The following PCDH11X variants were observed in gnomAD, a reference collection of about 807,000 sequenced individuals.
The protein encoded by PCDH11X is protocadherin 11 X-linked.
A neutral mutation model predicts 53.3 loss-of-function variants in PCDH11X; 18 were observed. That is an observed-to-expected ratio of 0.34 (90% CI 0.23 to 0.50). The LOEUF (loss-of-function observed/expected upper bound fraction) is 0.50. Ranked by LOEUF, PCDH11X falls within the 20% of genes least tolerant of loss-of-function variation. PCDH11X has a pLI of 0.98. For synonymous variants in PCDH11X, 279 were observed against 393.3 expected, an observed-to-expected ratio of 0.71 and a Z score of 3.44; for missense variants, 570 against 1,032.4, an observed-to-expected ratio of 0.55 and a Z score of 6.14.
At chrX:92,233,619 T>G (rs772971569) in intron 7 of PCDH11X, among the ~76,000 whole-genome samples, 1 of 111,980 alleles carries the variant, frequency 8.9e-6, no homozygotes, top group East Asian at 2.8e-4. Context: ...GTGTGTGTAC[T>G]TTAGTTCACA....
chrX:92,340,362 G>A (rs1453663980), intron 8 of PCDH11X, among the ~76,000 whole-genome samples: 1 of 111,735 alleles, frequency 8.9e-6, no homozygotes, highest in Non-Finnish European at 1.9e-5. Context: ...GGGACTCTGT[G>A]GGGGCTCCAA....
intron 8 of PCDH11X, among the ~76,000 whole-genome samples, chrX:92,352,193 A>C (rs756932141): frequency 2.7e-4 from 30 of 111,827 alleles, no homozygotes; most frequent in South Asian, 1.5e-3. Flanking sequence ...TGCCTTGAGT[A>C]AATGTATTCC....
At chrX:91,843,217 A>G (rs1381133791) in intron 5 of PCDH11X, among the ~76,000 whole-genome samples, 54 of 108,596 alleles carry the variant, frequency 5.0e-4, no homozygotes, top group African/African-American at 1.7e-3. Context: ...TGCTCTAATG[A>G]TAGTAAAGAG....
intron 10 of PCDH11X, among the ~76,000 whole-genome samples, chrX:92,519,901 A>T (rs1319412694): frequency 6.3e-5 from 7 of 110,505 alleles, no homozygotes; most frequent in Non-Finnish European, 1.3e-4. Context: ...GGAGATTTGA[A>T]TTTTTAATAT....
intron 6 of PCDH11X, among the ~76,000 whole-genome samples, chrX:92,107,620 C>T (rs1443184199): frequency 8.9e-6 from 1 of 112,352 alleles, no homozygotes; most frequent in African/African-American, 3.2e-5. Flanking sequence ...GCCTGTAATC[C>T]CTGCTACTCG....
intron 9 of PCDH11X, among the ~76,000 whole-genome samples, chrX:92,415,622 G>C (rs184305457): frequency 5.8e-4 from 65 of 111,823 alleles, no homozygotes; most frequent in African/African-American, 1.9e-3. Context: ...TAGGCAACTA[G>C]AAAATATTTC....
At chrX:92,587,924 C>A (rs1189079032) in intron 10 of PCDH11X, among the ~76,000 whole-genome samples, 1 of 110,952 alleles carries the variant, frequency 9.0e-6, no homozygotes, top group East Asian at 2.8e-4. Flanking sequence ...GACTGCATCA[C>A]AATTTTCCTA....
chrX:91,829,726 A>T (rs893175077), intron 4 of PCDH11X, among the ~76,000 whole-genome samples: 30 of 111,537 alleles, frequency 2.7e-4, no homozygotes, highest in Non-Finnish European at 4.5e-4. Context: ...ATGTGAAATT[A>T]ATGCCTATTT....
intron 8 of PCDH11X, among the ~76,000 whole-genome samples, chrX:92,291,081 T>G: frequency 1.0e-5 from 1 of 98,283 alleles, no homozygotes; most frequent in Admixed American, 1.2e-4. Flanking sequence ...TTTGTTGTTG[T>G]TGGTTTTTTG....
chrX:92,063,603 A>T (rs2063558446), intron 6 of PCDH11X, among the ~76,000 whole-genome samples: 2 of 111,961 alleles, frequency 1.8e-5, no homozygotes, highest in African/African-American at 6.5e-5. Flanking sequence ...GAACTAGAGC[A>T]GTTATTTGGA....
At chrX:91,851,099 A>G (rs1163572907) in intron 5 of PCDH11X, among the ~76,000 whole-genome samples, 2 of 110,051 alleles carry the variant, frequency 1.8e-5, no homozygotes, top group Non-Finnish European at 3.8e-5. Flanking sequence ...AGATTGAATT[A>G]CATATTATTG....
chrX:92,506,216 C>CTTTTTTCTTTT (rs2074055575), intron 10 of PCDH11X, among the ~76,000 whole-genome samples: 2 of 40,205 alleles, frequency 5.0e-5, no homozygotes, highest in Non-Finnish European at 4.1e-5. Context: ...CTTTTCTTTT[C>CTTTTTTCTTTT]TTTTTTTTTT....
At position 92,300,423 on chromosome X, in the gene PCDH11X, T is replaced by A. The variant is rs765681341; in HGVS notation, c.3144+37280T>A. 6.3e-5 allele frequency among the ~76,000 whole-genome samples: 7 copies of A among 111,525 alleles called. No individual in the cohort carries two copies. The South Asian group carries it at 2.6e-3, about 42-fold the overall frequency. On this transcript the variant is annotated intron_variant, in intron 8 of 10. Transcript: ENST00000682573. ...TATGTGTGGGCTGATTTTTCTTCAA[T>A]CCTTTCCTTCAAGAAGTTGCTATTC...
intron 7 of PCDH11X, among the ~76,000 whole-genome samples, chrX:92,233,908 A>T (rs754275777): frequency 8.9e-6 from 1 of 112,164 alleles, no homozygotes; most frequent in South Asian, 3.7e-4. Flanking sequence ...ATGAAAGGAA[A>T]CTTCAAGTTT....
intron 1 of PCDH11X, among the ~76,000 whole-genome samples, chrX:91,806,235 G>C (rs1936102020): frequency 8.8e-6 from 1 of 114,027 alleles, no homozygotes; most frequent in Admixed American, 9.3e-5. Context: ...AAAAATGAAA[G>C]TGAAGGAATG....
chrX:92,275,379 C>A (rs1378525729), intron 8 of PCDH11X, among the ~76,000 whole-genome samples: 1 of 107,982 alleles, frequency 9.3e-6, no homozygotes, highest in Non-Finnish European at 1.9e-5. Context: ...AGATAGGTAA[C>A]AGGTGAGGAT....
At chrX:92,288,776 A>G (rs1457333149) in intron 8 of PCDH11X, among the ~76,000 whole-genome samples, 1 of 109,864 alleles carries the variant, frequency 9.1e-6, no homozygotes, top group African/African-American at 3.3e-5. Flanking sequence ...TTTCAAAAAC[A>G]TGTACCAGGT....
intron 8 of PCDH11X, among the ~76,000 whole-genome samples, chrX:92,361,548 G>T (rs749616660): frequency 9.0e-6 from 1 of 111,221 alleles, no homozygotes; most frequent in Non-Finnish European, 1.9e-5. Context: ...ATAGCTTTTT[G>T]AAAATCCCTG....
intron 8 of PCDH11X, among the ~76,000 whole-genome samples, chrX:92,356,253 C>A (rs1257860311): frequency 9.0e-6 from 1 of 111,482 alleles, no homozygotes; most frequent in Non-Finnish European, 1.9e-5. Flanking sequence ...AACCATTAAC[C>A]ACATTAAAAT....
Sources: allele counts gnomAD v4.1 joint callset (sites outside exome capture counted in the v4.1 genomes callset), GRCh38; gene constraint gnomAD v4.1.1; transcripts MANE v1.5; gene names NCBI Gene and HGNC (gene_info 2026-07-23, HGNC 2026-07-21).